SRGAP3: variants seen among roughly 807,000 people sequenced by gnomAD.
SRGAP3 encodes the protein SLIT-ROBO Rho GTPase-activating protein 3.
In SRGAP3, 39 loss-of-function variants were observed where a neutral mutation model predicts 121.1. That is an observed-to-expected ratio of 0.32 (90% CI 0.25 to 0.42). The LOEUF is 0.42. Among genes scored for constraint, SRGAP3 ranks in the 10% least tolerant of loss-of-function variants. The pLI, the probability that SRGAP3 is intolerant of heterozygous loss-of-function variation, is 1.00. For missense variants in SRGAP3, 1,213 were observed against 1,470.6 expected (o/e 0.82, Z 2.86); for synonymous variants, 601 against 570.0 (o/e 1.05, Z -0.77).
chr3:9,080,943 C>T (rs1399002794), intron 3 of SRGAP3, among the ~76,000 whole-genome samples: 1 of 152,100 alleles, frequency 6.6e-6, no homozygotes, highest in Non-Finnish European at 1.5e-5. Context: ...TGCAATAATA[C>T]AGAAATGAAA....
At chr3:9,252,834 C>T (rs1227195686), upstream of SRGAP3, among the ~76,000 whole-genome samples, 1 of 152,144 alleles carries the variant, frequency 6.6e-6, no homozygotes, top group African/African-American at 2.4e-5. Context: ...TAACAGAAAC[C>T]AGATTTGTCT....
chr3:9,202,081 G>T (rs946020739), intron 1 of SRGAP3, among the ~76,000 whole-genome samples: 1 of 149,862 alleles, frequency 6.7e-6, no homozygotes, highest in Admixed American at 6.7e-5. Context: ...GGGAGGCGGG[G>T]GAAGGGTTAT....
chr3:9,268,925 C>A (rs1954421334), intron 3 of SRGAP3, among the ~76,000 whole-genome samples: 1 of 152,168 alleles, frequency 6.6e-6, no homozygotes, highest in African/African-American at 2.4e-5. Context: ...AACGCTGTCC[C>A]TTTTCCTACT....
At chr3:9,102,127 A>C (rs1330896874) in intron 3 of SRGAP3, among the ~76,000 whole-genome samples, 1 of 152,156 alleles carries the variant, frequency 6.6e-6, no homozygotes, top group Non-Finnish European at 1.5e-5. Flanking sequence ...GAGCCCTAGG[A>C]CCCCAGCTCA....
At chr3:9,037,164 G>A (rs1274130472) in intron 11 of SRGAP3, 1 of 152,188 alleles carries the variant, frequency 6.6e-6, no homozygotes, top group Non-Finnish European at 1.5e-5. Flanking sequence ...TGTGGGAAAA[G>A]AAAGAATGCC....
chr3:9,010,378 T>C lies in SRGAP3; in HGVS notation c.2157A>G (p.Pro719=). ...MAGGEEYCDS[P]HSEPGAIDEV... ...CATCGATGGCCCCTGGCTCGCTGTGTGGGCTGTCACTGCAAGGAAACACGG... is the reference window on the plus strand; with the variant it reads ...CATCGATGGCCCCTGGCTCGCTGTGCGGGCTGTCACTGCAAGGAAACACGG... The change falls in exon 18 of 22, where the codon CCA becomes CCG. Residue 719 remains proline, a synonymous_variant. Coordinates refer to ENST00000383836, the MANE Select transcript of SRGAP3 (RefSeq NM_014850.4). The C allele has an allele frequency of 6.2e-7, 1 of 1,614,106 alleles. No homozygotes were observed. Among genetic ancestry groups the C allele is most frequent in the Non-Finnish European group, 8.5e-7 (1 of 1,180,020 alleles).
chr3:9,292,265 C>G (rs1177769467), intron 3 of SRGAP3, among the ~76,000 whole-genome samples: 2 of 152,180 alleles, frequency 1.3e-5, no homozygotes, highest in Non-Finnish European at 2.9e-5. Flanking sequence ...ACTCAGTAGG[C>G]AAAGCCCAAG....
At chr3:9,063,978 C>G (rs1042236829) in intron 5 of SRGAP3, among the ~76,000 whole-genome samples, 1 of 152,184 alleles carries the variant, frequency 6.6e-6, no homozygotes, top group Non-Finnish European at 1.5e-5. Flanking sequence ...GAGACACATT[C>G]AGCAATCAGT....
chr3:9,065,654 G>A (rs1946395514), intron 4 of SRGAP3: 1 of 152,134 alleles, frequency 6.6e-6, no homozygotes, highest in African/African-American at 2.4e-5. Context: ...ATTCACTGAT[G>A]GTGCCGTACA....
At chr3:9,124,616 A>AG in intron 2 of SRGAP3, 109 bp downstream of exon 2, 1 of 1,432,148 alleles carries the variant, frequency 7.0e-7, no homozygotes, top group Non-Finnish European at 9.7e-7. Flanking sequence ...CTGAAGGCAC[A>AG]CCCTCTGCCT....
chr3:9,346,323 C>T (rs1241860699), intron 1 of SRGAP3, among the ~76,000 whole-genome samples: 5 of 152,100 alleles, frequency 3.3e-5, no homozygotes, highest in African/African-American at 1.2e-4. Flanking sequence ...TAGCTCACTG[C>T]ACCTTGAACT....
chr3:8,987,642 T>TGTTAGGGGACTATGGATG (rs145596298), intron 21 of SRGAP3, among the ~76,000 whole-genome samples: 6 of 150,812 alleles, frequency 4.0e-5, no homozygotes, highest in African/African-American at 1.5e-4. Flanking sequence ...CTGTCCTTTT[T>TGTTAGGGGACTATGGATG]GTTAGGGGAC....
chr3:9,094,308 C>A (rs768936579), intron 3 of SRGAP3, among the ~76,000 whole-genome samples: 1 of 152,092 alleles, frequency 6.6e-6, no homozygotes, highest in Non-Finnish European at 1.5e-5. Context: ...AGATCTAGCT[C>A]CTCTTCACTA....
chr3:9,356,210 T>A (rs13061917), intron 1 of SRGAP3, among the ~76,000 whole-genome samples: 1 of 139,958 alleles, frequency 7.1e-6, no homozygotes, highest in Non-Finnish European at 1.5e-5. Flanking sequence ...TTTTTTTTTT[T>A]TGAGACAGGA....
intron 2 of SRGAP3, chr3:9,326,291 A>G (rs1199548539): frequency 6.6e-6 from 1 of 151,956 alleles, no homozygotes; most frequent in African/African-American, 2.4e-5. Context: ...AAGCTTTTAT[A>G]CAACCAGAAA....
chr3:9,035,070 G>A (rs1944681663), intron 11 of SRGAP3: 1 of 152,044 alleles, frequency 6.6e-6, no homozygotes, highest in South Asian at 2.1e-4. Context: ...CAAATAAAAT[G>A]TGATTGAGGC....
intron 3 of SRGAP3, among the ~76,000 whole-genome samples, chr3:9,262,609 TC>T (rs1386729735): frequency 1.5e-5 from 2 of 131,034 alleles, no homozygotes; most frequent in Admixed American, 7.8e-5. Context: ...CCAACAAATA[TC>T]AAAAAAGAAA....
At chr3:9,190,091 CA>C (rs759911766) in intron 1 of SRGAP3, among the ~76,000 whole-genome samples, 3 of 152,166 alleles carry the variant, frequency 2.0e-5, no homozygotes, top group Admixed American at 2.0e-4. Flanking sequence ...ATCCCAGGAC[CA>C]GTAAGTGACA....
intron 17 of SRGAP3, among the ~76,000 whole-genome samples, chr3:9,010,687 G>T (rs1288488568): frequency 6.6e-6 from 1 of 152,130 alleles, no homozygotes; most frequent in Non-Finnish European, 1.5e-5. Context: ...AAGATCCAGA[G>T]GGCAGTGGTA....
Sources: allele counts gnomAD v4.1 joint callset (sites outside exome capture counted in the v4.1 genomes callset), GRCh38; gene constraint gnomAD v4.1.1; transcripts MANE v1.5; gene names NCBI Gene and HGNC (gene_info 2026-07-23, HGNC 2026-07-21).